Variants in LCOR observed in about 807,000 individuals in gnomAD.
LCOR encodes ligand-dependent corepressor.
LCOR carries 14 observed loss-of-function variants against 64.4 expected under a neutral mutation model. That is an observed-to-expected ratio of 0.22 (90% CI 0.14 to 0.34). LCOR has a LOEUF of 0.34. Ranked by LOEUF, LCOR falls within the 10% of genes least tolerant of loss-of-function variation. LCOR has a pLI of 1.00. For synonymous variants in LCOR, 643 were observed against 642.5 expected, an observed-to-expected ratio of 1.00 and a Z score of -0.01; for missense variants, 1,686 against 1,765.3, an observed-to-expected ratio of 0.96 and a Z score of 0.80.
At chr10:96,888,794 A>G (rs1846389877) in intron 2 of LCOR, among the ~76,000 whole-genome samples, 1 of 152,226 alleles carries the variant, frequency 6.6e-6, no homozygotes, top group Non-Finnish European at 1.5e-5. Context: ...CATGACCTCA[A>G]GAAGTTCCCT....
chr10:96,966,163 CTTTTT>C (rs57378535), intron 7 of LCOR, among the ~76,000 whole-genome samples: 1 of 90,060 alleles, frequency 1.1e-5, no homozygotes, highest in African/African-American at 3.6e-5. Context: ...AAAATGGAAA[CTTTTT>C]TTTTTTTTTT....
chr10:96,897,424 G>A (rs1346008431), intron 2 of LCOR, among the ~76,000 whole-genome samples: 1 of 152,096 alleles, frequency 6.6e-6, no homozygotes, highest in African/African-American at 2.4e-5. Context: ...CCTCAGATTT[G>A]CATTTAAATG....
At chr10:96,877,529 A>C (rs938152107) in intron 2 of LCOR, among the ~76,000 whole-genome samples, 2 of 152,086 alleles carry the variant, frequency 1.3e-5, no homozygotes, top group African/African-American at 4.8e-5. Flanking sequence ...GTCTCAAAAA[A>C]ATAAGTAAAA....
chr10:96,978,625 G>A (rs575984655), intron 7 of LCOR, among the ~76,000 whole-genome samples: 6 of 152,214 alleles, frequency 3.9e-5, no homozygotes, highest in South Asian at 2.1e-4. Flanking sequence ...TCTAATATAG[G>A]CCCTTTCAGA....
Position 96,993,635 on chromosome 10 carries a change from A to G in LCOR, c.*8501A>G, listed in dbSNP as rs1029139293. 7 of 151,954 alleles carry G rather than the reference A, an allele frequency of 4.6e-5. No individual in the cohort carries two copies. The highest frequency in any genetic ancestry group is 1.4e-4 in the African/African-American group (6 of 41,380). The allele number at this position is 151,954 out of a possible 1,614,324, so 9.4% of individuals were successfully genotyped here. ...CTTCCTTTCATAACACAGTTCACAC[A>G]TGGAGAAAGAACAAAAACCAGCAGG... is the stretch of plus-strand genomic sequence containing the variant. On this transcript the variant is annotated 3_prime_UTR_variant, in exon 8 of 8. Transcript: ENST00000421806.
chr10:96,858,785 A>T (rs1227639184), intron 2 of LCOR, among the ~76,000 whole-genome samples: 1 of 152,110 alleles, frequency 6.6e-6, no homozygotes, highest in Non-Finnish European at 1.5e-5. Flanking sequence ...GACCTCACAG[A>T]TCCGTACTTT....
At chr10:96,949,388 A>T (rs764456104) in intron 6 of LCOR, 93 bp downstream of exon 6, 8 of 1,105,746 alleles carry the variant, frequency 7.2e-6, no homozygotes, top group Non-Finnish European at 1.1e-5. Flanking sequence ...CATCAGCAGC[A>T]ATAATAGCAT....
intron 2 of LCOR, among the ~76,000 whole-genome samples, chr10:96,846,178 G>A (rs1323268390): frequency 1.3e-5 from 2 of 152,058 alleles, no homozygotes; most frequent in African/African-American, 4.8e-5. Context: ...CTGCACTCCA[G>A]CCTGGACTAC....
At chr10:96,847,406 T>TTTTATTTA (rs137983276) in intron 2 of LCOR, among the ~76,000 whole-genome samples, 23 of 150,936 alleles carry the variant, frequency 1.5e-4, no homozygotes, top group East Asian at 5.9e-4. Flanking sequence ...GTCAAGAGTA[T>TTTTATTTA]TTTATTTATT....
At chr10:96,968,909 TG>T (rs1340864499) in intron 7 of LCOR, among the ~76,000 whole-genome samples, 1 of 151,672 alleles carries the variant, frequency 6.6e-6, no homozygotes, top group Non-Finnish European at 1.5e-5. Context: ...CACTCCAGCC[TG>T]GGTGACTAAG....
chr10:96,941,147 C>G (rs1189942144), intron 4 of LCOR, among the ~76,000 whole-genome samples: 1 of 129,894 alleles, frequency 7.7e-6, no homozygotes, highest in African/African-American at 2.9e-5. Flanking sequence ...CGGGCAGAGG[C>G]GCCCCTCACC....
chr10:96,875,257 G>T (rs947658816), intron 2 of LCOR, among the ~76,000 whole-genome samples: 1 of 151,878 alleles, frequency 6.6e-6, no homozygotes, highest in African/African-American at 2.4e-5. Flanking sequence ...GGTGGCAGGT[G>T]CCTGTTGTCC....
intron 2 of LCOR, among the ~76,000 whole-genome samples, chr10:96,848,932 A>G (rs570376552): frequency 6.6e-6 from 1 of 151,604 alleles, no homozygotes; most frequent in Non-Finnish European, 1.5e-5. Context: ...TTGTGCATAT[A>G]AAATAAATAG....
chr10:96,949,193 G>A lies in LCOR; in HGVS notation c.136G>A (p.Ala46Thr), dbSNP rs1240966398. Residue 46 changes from alanine to threonine, a missense_variant, in exon 6 of 8, where the codon GCA (alanine) becomes ACA (threonine). Ala to Thr is a moderately conservative substitution (Grantham distance 58). Transcript: ENST00000421806. ...TCCAGTCACCACCTCTCCCACGGCT[G>A]CAACTACTCAGAACCCTGTGCTCAG... ...ASPVTTSPTA[A>T]TTQNPVLSKL... The A allele has an allele frequency of 2.5e-6, 4 of 1,614,146 alleles. No homozygotes were observed. Among genetic ancestry groups the A allele is most frequent in the Non-Finnish European group, 3.4e-6 (4 of 1,180,020 alleles).
intron 2 of LCOR, among the ~76,000 whole-genome samples, chr10:96,890,474 T>C (rs1846421304): frequency 6.6e-6 from 1 of 152,216 alleles, no homozygotes. Context: ...AAAGATTCTT[T>C]AGAATTATGT....
chr10:96,959,509 A>G (rs948049942), intron 7 of LCOR: 5 of 152,210 alleles, frequency 3.3e-5, no homozygotes, highest in Admixed American at 3.3e-4. Flanking sequence ...AATTCTGTGG[A>G]AGGATATCTA....
intron 4 of LCOR, among the ~76,000 whole-genome samples, chr10:96,943,355 C>T (rs1847531048): frequency 6.6e-6 from 1 of 152,216 alleles, no homozygotes; most frequent in African/African-American, 2.4e-5. Context: ...CCTCGGCCTC[C>T]CTAAGTGCTG....
At chr10:96,954,802 A>G (rs927203416) in intron 7 of LCOR, 2 of 523,136 alleles carry the variant, frequency 3.8e-6, no homozygotes, top group African/African-American at 3.9e-5. Context: ...AACTGCTGAG[A>G]CCATTTTTTT....
At chr10:96,914,336 T>C (rs1461670278) in intron 4 of LCOR, among the ~76,000 whole-genome samples, 2 of 152,144 alleles carry the variant, frequency 1.3e-5, no homozygotes, top group Non-Finnish European at 2.9e-5. Flanking sequence ...TAGCTGGGAT[T>C]ACAGGTGTCC....
Sources: allele counts gnomAD v4.1 joint callset (sites outside exome capture counted in the v4.1 genomes callset), GRCh38; gene constraint gnomAD v4.1.1; transcripts MANE v1.5; gene names NCBI Gene and HGNC (gene_info 2026-07-23, HGNC 2026-07-21).